The following RBFOX2 variants were observed in gnomAD, a reference collection of about 807,000 sequenced individuals.
RBFOX2 encodes RNA binding protein fox-1 homolog 2.
RBFOX2 carries 10 observed loss-of-function variants against 49.1 expected under a neutral mutation model. The ratio of observed to expected loss-of-function variants is 0.20; its 90% CI spans 0.13 to 0.35. The LOEUF (loss-of-function observed/expected upper bound fraction) is 0.35. Among genes scored for constraint, RBFOX2 ranks in the 10% least tolerant of loss-of-function variants. The probability of loss-of-function intolerance (pLI) is 1.00; values close to 1 mark genes in which losing one functional copy is unlikely to be tolerated. For missense variants in RBFOX2, 323 were observed against 486.9 expected (o/e 0.66, Z 3.17); for synonymous variants, 183 against 187.4 (o/e 0.98, Z 0.19).
chr22:35,755,869 C>G (rs889235847), intron 9 of RBFOX2, among the ~76,000 whole-genome samples: 1 of 151,770 alleles, frequency 6.6e-6, no homozygotes, highest in Non-Finnish European at 1.5e-5. Context: ...CTGACCCTTG[C>G]AATGATCAGG....
At chr22:35,777,986 A>G in intron 4 of RBFOX2, 39 bp downstream of exon 5, 1 of 1,558,218 alleles carries the variant, frequency 6.4e-7, no homozygotes, top group Admixed American at 1.9e-5. Context: ...TAAAACTCAA[A>G]AAGAAATCAA....
chr22:35,760,935 C>G (rs1037232280), intron 8 of RBFOX2, among the ~76,000 whole-genome samples: 2 of 152,186 alleles, frequency 1.3e-5, no homozygotes, highest in Non-Finnish European at 2.9e-5. Context: ...CTTTTGTTTT[C>G]TTTATCGTCA....
intron 1 of RBFOX2, among the ~76,000 whole-genome samples, chr22:36,024,510 C>T (rs992322127): frequency 1.3e-5 from 2 of 152,036 alleles, no homozygotes; most frequent in East Asian, 3.9e-4. Flanking sequence ...GGGAGGCCAA[C>T]GCAGGCGATC....
chr22:36,014,171 G>A, intron 1 of RBFOX2, among the ~76,000 whole-genome samples: 1 of 151,602 alleles, frequency 6.6e-6, no homozygotes, highest in East Asian at 1.9e-4. Flanking sequence ...GCCCAGGCTG[G>A]AGTGCAGTGG....
At chr22:35,754,970 G>A (rs1177009372) in intron 9 of RBFOX2, among the ~76,000 whole-genome samples, 1 of 152,118 alleles carries the variant, frequency 6.6e-6, no homozygotes, top group African/African-American at 2.4e-5. Context: ...CCTGTATTTC[G>A]AAGAACTGTA....
chr22:35,830,746 G>A (rs987700527), intron 1 of RBFOX2, among the ~76,000 whole-genome samples: 3 of 152,068 alleles, frequency 2.0e-5, no homozygotes, highest in East Asian at 1.9e-4. Flanking sequence ...GCAGTCTGTC[G>A]TTGACCCAAA....
intron 8 of RBFOX2, among the ~76,000 whole-genome samples, chr22:35,760,309 C>T (rs917804588): frequency 2.0e-5 from 3 of 152,270 alleles, no homozygotes; most frequent in African/African-American, 7.2e-5. Flanking sequence ...ATGCAAGCTG[C>T]TGAGAAACAG....
At chr22:35,919,938 A>C (rs867377352) in intron 1 of RBFOX2, among the ~76,000 whole-genome samples, 9 of 152,080 alleles carry the variant, frequency 5.9e-5, no homozygotes, top group Admixed American at 1.3e-4. Context: ...CTTCAAGTCC[A>C]CCTCCACTCT....
intron 1 of RBFOX2, among the ~76,000 whole-genome samples, chr22:35,865,578 A>G (rs929070335): frequency 3.3e-5 from 5 of 151,634 alleles, no homozygotes; most frequent in Non-Finnish European, 7.4e-5. Flanking sequence ...TTTTTTTTTG[A>G]TGGTGATAGA....
intron 1 of RBFOX2, among the ~76,000 whole-genome samples, chr22:35,865,869 A>T (rs950432053): frequency 3.3e-5 from 5 of 152,056 alleles, no homozygotes; most frequent in African/African-American, 1.2e-4. Context: ...TCTTTAGCTA[A>T]AAAAAAGGCA....
At chr22:35,895,251 G>A (rs1039810878) in intron 1 of RBFOX2, among the ~76,000 whole-genome samples, 3 of 152,182 alleles carry the variant, frequency 2.0e-5, no homozygotes, top group African/African-American at 7.2e-5. Flanking sequence ...ACAGGGATGG[G>A]TGGGGTCAGT....
intron 1 of RBFOX2, among the ~76,000 whole-genome samples, chr22:35,878,342 G>A (rs2045432323): frequency 6.6e-6 from 1 of 152,112 alleles, no homozygotes; most frequent in East Asian, 1.9e-4. Flanking sequence ...TAGCTGCAGT[G>A]AGCCGAGATC....
chr22:35,966,404 C>G (rs968397059), upstream of RBFOX2, among the ~76,000 whole-genome samples: 5 of 152,128 alleles, frequency 3.3e-5, no homozygotes, highest in African/African-American at 1.2e-4. Flanking sequence ...TTGGTAGATA[C>G]TACCAACTGC....
intron 9 of RBFOX2, among the ~76,000 whole-genome samples, chr22:35,754,592 G>C (rs1936281830): frequency 6.6e-6 from 1 of 152,196 alleles, no homozygotes; most frequent in Admixed American, 6.5e-5. Context: ...ATGTATATGG[G>C]AGAATGTACA....
chr22:35,790,946 T>C (rs1428630087), intron 2 of RBFOX2, among the ~76,000 whole-genome samples: 1 of 151,982 alleles, frequency 6.6e-6, no homozygotes, highest in Admixed American at 6.6e-5. Context: ...AGGTCAAGGC[T>C]GCAGTGAGCT....
rs970883887 is a variant in RBFOX2, at chr22:35,995,451, G to A, written c.186+32789C>T. 3.9e-5 allele frequency: 6 copies of A among 152,212 alleles called. No homozygotes were observed. In the South Asian group the frequency reaches 1.0e-3, roughly 26 times the overall value. 9.4% of individuals were successfully genotyped at this position (152,212 alleles called of 1,614,324 possible). On this transcript the variant is annotated intron_variant, in intron 1 of 13. Transcript: ENST00000438146. ...GAATAAACCAAACCCAGAGCCTGCCGGGAGACAGTGATCCAACTGATACGG... is the reference window on the plus strand; with the variant it reads ...GAATAAACCAAACCCAGAGCCTGCCAGGAGACAGTGATCCAACTGATACGG...
intron 1 of RBFOX2, among the ~76,000 whole-genome samples, chr22:35,905,969 GT>G (rs756869970): frequency 6.6e-6 from 1 of 152,240 alleles, no homozygotes; most frequent in East Asian, 1.9e-4. Context: ...GTAACATGCT[GT>G]ACTGGTTTGC....
intron 1 of RBFOX2, among the ~76,000 whole-genome samples, chr22:35,858,758 G>A (rs547777467): frequency 2.6e-5 from 4 of 151,090 alleles, no homozygotes; most frequent in South Asian, 2.1e-4. Context: ...CCCGGGAGGC[G>A]GAGGTGGCAG....
chr22:35,969,736 AT>A, intron 1 of RBFOX2, among the ~76,000 whole-genome samples: 1 of 152,210 alleles, frequency 6.6e-6, no homozygotes, highest in Non-Finnish European at 1.5e-5. Flanking sequence ...GTTTAAAGTG[AT>A]TTTTTAAAAA....
Sources: gnomAD v4.1 joint callset for allele counts (sites outside exome capture counted in the v4.1 genomes callset) on GRCh38, gnomAD v4.1.1 for gene constraint, MANE v1.5 for transcripts, NCBI Gene and HGNC (gene_info 2026-07-23, HGNC 2026-07-21) for gene names.